The following ACR variants were observed in gnomAD, a reference collection of about 807,000 sequenced individuals.
The protein encoded by ACR is acrosin light and heavy chain prepropeptide.
Under a neutral mutation model 26.0 loss-of-function variants are expected in ACR, and 17 were observed. The observed-to-expected ratio is 0.65, with a 90% CI of 0.45 to 0.98. ACR has a LOEUF of 0.98. Ranked by LOEUF, ACR falls within the 50% of genes least tolerant of loss-of-function variation. The pLI, the probability that ACR is intolerant of heterozygous loss-of-function variation, is 0.00. For synonymous variants in ACR, 199 were observed against 207.7 expected (o/e 0.96, Z 0.36); for missense variants, 435 against 519.3 (o/e 0.84, Z 1.58).
rs1229833773 is a variant in ACR, at chr22:50,739,855, T to C, written c.443T>C (p.Ile148Thr). The stretch of plus-strand genomic sequence containing the variant: ...GGAAATGACATTGCCCTCGTGGAGA[T>C]CACCCCTCCCATTTCGTGTGGGCGC... ...TEGNDIALVEITPPISCGRFI... is the reference protein window; with the variant it reads ...TEGNDIALVETTPPISCGRFI... Residue 148 changes from isoleucine to threonine, a missense_variant, in exon 3 of 5, where the codon ATC (isoleucine) becomes ACC (threonine). Around this residue, in one of 3 missense-constraint regions of ACR, gnomAD observed 314 missense variants for 372.0 expected, o/e 0.84. Coordinates refer to ENST00000216139, the MANE Select transcript of ACR (RefSeq NM_001097.3). The surrounding 1 kb of genome is among the most constrained non-coding windows in gnomAD (Gnocchi z 5.5). The C allele has an allele frequency of 1.2e-6, 2 of 1,611,914 alleles. No individual in the cohort carries two copies. Among genetic ancestry groups the C allele is most frequent in the Non-Finnish European group, 8.5e-7 (1 of 1,178,794 alleles).
At position 50,741,183 on chromosome 22, in the gene ACR, T is replaced by G. The variant is rs564641516; in HGVS notation, c.565+1206T>G. 1.2e-3 allele frequency among the ~76,000 whole-genome samples: 187 copies of G among 152,334 alleles called. 1 individual carries two copies. Among genetic ancestry groups the G allele is most frequent in the African/African-American group, 4.4e-3 (181 of 41,568 alleles). ...CAAAAAGTCAATAATTTGAGGATTC[T>G]TCCTTTAACTCTTATTTCCTTCTCT... is the stretch of plus-strand genomic sequence containing the variant. On this transcript the variant is annotated intron_variant, in intron 3 of 4. Transcript: ENST00000216139.
intron 4 of ACR, 169 bp from the exon 5 acceptor site, chr22:50,744,484 A>G: frequency 9.4e-7 from 1 of 1,066,248 alleles, no homozygotes; most frequent in Non-Finnish European, 1.3e-6. Flanking sequence ...CCCTCCTCAC[A>G]TCCCAAATGA....
In ACR at chr22:50,739,822, C is replaced by A. The variant is rs752153585; in HGVS notation, c.410C>A (p.Ala137Glu). The A allele has an allele frequency of 3.1e-6, 5 of 1,610,840 alleles. No individual in the cohort carries two copies. The highest frequency in any genetic ancestry group is 4.2e-6 in the Non-Finnish European group (5 of 1,178,362). ...ATCATTCATGAAAAATACAACTCTG[C>A]GACAGAGGGAAATGACATTGCCCTC... The part of the protein sequence containing the change: ...KIIIHEKYNS[A>E]TEGNDIALVE... Residue 137 changes from alanine (A) to glutamate (E), a missense_variant, in exon 3 of 5, where the codon GCG (alanine) becomes GAG (glutamate). Transcript: ENST00000216139. The surrounding 1 kb of genome is among the most constrained non-coding windows in gnomAD (Gnocchi z 5.5).
In ACR at chr22:50,739,593, C is replaced by T. The variant is rs537267372; in HGVS notation, c.282-101C>T. ...TCTGGGCCAAGTGGCTGCAAGACTC[C>T]GGGGGCTGGTCCAGACCTTTGCTAG... On this transcript the variant is annotated intron_variant, in intron 2 of 4. Transcript: ENST00000216139. This position sits in a 1 kb window ranked among gnomAD's most constrained non-coding sequence, Gnocchi z 5.5. The T allele has an allele frequency of 7.6e-5, 118 of 1,558,566 alleles. No homozygotes were observed. Among genetic ancestry groups the T allele is most frequent in the African/African-American group, 2.4e-4 (18 of 74,166 alleles).
At chr22:50,743,899 C>T (rs1205523538) in intron 3 of ACR, among the ~76,000 whole-genome samples, 162 bp from the exon 4 acceptor site, 9 of 152,144 alleles carry the variant, frequency 5.9e-5, no homozygotes, top group Admixed American at 1.3e-4. Flanking sequence ...CCCACCACCT[C>T]TAGTCTGCTC....
At chr22:50,743,940 C>T (rs1188085409) in intron 3 of ACR, 121 bp from the exon 4 acceptor site, 12 of 803,762 alleles carry the variant, frequency 1.5e-5, no homozygotes, top group East Asian at 4.9e-5. Flanking sequence ...GTCGGGGCAT[C>T]GACTGGATGG....
chr22:50,745,315 G>C lies in ACR; in HGVS notation c.*108G>C. 2 of 1,227,716 alleles carry C rather than the reference G, an allele frequency of 1.6e-6. No individual in the cohort carries two copies. The highest frequency in any genetic ancestry group is 1.7e-5 in the South Asian group (1 of 60,250). The allele number at this position is 1,227,716 out of a possible 1,614,324, so 76.1% of individuals were successfully genotyped here. A position where few individuals can be genotyped will look rare whatever the true frequency, so the allele number is the denominator to read the frequency against. On this transcript the variant is annotated 3_prime_UTR_variant, in exon 5 of 5. Transcript: ENST00000216139. ...TATAGATATACACACACACATATCT[G>C]TATGTATACATGCATATACATCAAG...
At chr22:50,742,293 C>T (rs1419364945) in intron 3 of ACR, among the ~76,000 whole-genome samples, 1 of 152,092 alleles carries the variant, frequency 6.6e-6, no homozygotes, top group Non-Finnish European at 1.5e-5. Flanking sequence ...TCCTGTAATC[C>T]CAGCACTTTG....
Position 50,739,762 on chromosome 22 carries a change from A to G in ACR, c.350A>G (p.Lys117Arg). 6.3e-7 allele frequency: 1 copy of G among 1,581,554 alleles called. No individual in the cohort carries two copies. The highest frequency in any genetic ancestry group is 8.6e-7 in the Non-Finnish European group (1 of 1,166,834). Residue 117 changes from lysine to arginine, a missense_variant, in exon 3 of 5, where the codon AAG (lysine) becomes AGG (arginine). Coordinates refer to ENST00000216139, the MANE Select transcript of ACR (RefSeq NM_001097.3). The surrounding 1 kb of genome is among the most constrained non-coding windows in gnomAD (Gnocchi z 5.5). ...ACATATGGGAACAATAAACCAGTAAAGGCGCCTCTGCAAGAGAGATATGTG... is the reference window on the plus strand; with the variant it reads ...ACATATGGGAACAATAAACCAGTAAGGGCGCCTCTGCAAGAGAGATATGTG... ...EITYGNNKPVKAPLQERYVEK... is the reference protein window; with the variant it reads ...EITYGNNKPVRAPLQERYVEK...
rs559202131 is a variant in ACR, at chr22:50,740,351, C to A, written c.565+374C>A. On this transcript the variant is annotated intron_variant, in intron 3 of 4. Transcript: ENST00000216139. The stretch of plus-strand genomic sequence containing the variant: ...TTATGTGGCCGTATGACAGTGCCTT[C>A]CACTCTCTGGGCCTTGGTTTCCTCA... 5.7e-5 allele frequency: 33 copies of A among 578,640 alleles called. No homozygotes were observed. In the Admixed American group the frequency reaches 9.9e-4, roughly 17 times the overall value. The allele number at this position is 578,640 out of a possible 1,614,324, so 35.8% of individuals were successfully genotyped here. A position where few individuals can be genotyped will look rare whatever the true frequency, so the allele number is the denominator to read the frequency against.
intron 3 of ACR, among the ~76,000 whole-genome samples, chr22:50,742,017 TC>T (rs1164731742): frequency 6.6e-6 from 1 of 152,062 alleles, no homozygotes; most frequent in African/African-American, 2.4e-5. Flanking sequence ...ATGCCTGTTG[TC>T]CCAGCTACTC....
Position 50,744,855 on chromosome 22 carries a change from C to T in ACR, c.914C>T (p.Pro305Leu), listed in dbSNP as rs1320079223. 5.6e-6 allele frequency: 9 copies of T among 1,602,420 alleles called. No individual in the cohort carries two copies. The highest frequency in any genetic ancestry group is 1.7e-5 in the Admixed American group (1 of 59,168). Residue 305 changes from proline to leucine, a missense_variant, in exon 5 of 5, where the codon CCC becomes CTC. Transcript: ENST00000216139. ...RMIQSATPPP[P>L]TTRPPPIRPP... Reference sequence around the variant, plus strand: ...ATTCAATCGGCCACCCCTCCACCTCCCACCACTCGACCGCCCCCGATTCGA... The same window carrying T: ...ATTCAATCGGCCACCCCTCCACCTCTCACCACTCGACCGCCCCCGATTCGA...
Position 50,739,721 on chromosome 22 carries a change from C to T in ACR, c.309C>T (p.Phe103=), listed in dbSNP as rs1159905378. 25 of 1,542,224 alleles carry T rather than the reference C, an allele frequency of 1.6e-5. No individual in the cohort carries two copies. The highest frequency in any genetic ancestry group is 7.7e-5 in the South Asian group (6 of 78,264). Reference sequence around the variant, plus strand: ...ATGTGCATGACTGGAGACTGGTTTTCGGAGCAAAGGAAATTACATATGGGA... The same window carrying T: ...ATGTGCATGACTGGAGACTGGTTTTTGGAGCAAAGGAAATTACATATGGGA... ...KNNVHDWRLV[F]GAKEITYGNN... Residue 103 remains phenylalanine, a synonymous_variant, in exon 3 of 5, where the codon TTC becomes TTT. Coordinates refer to ENST00000216139, the MANE Select transcript of ACR (RefSeq NM_001097.3). The surrounding 1 kb of genome is among the most constrained non-coding windows in gnomAD (Gnocchi z 5.5).
intron 3 of ACR, 183 bp downstream of exon 3, chr22:50,740,160 G>A (rs750829387): frequency 1.5e-5 from 12 of 781,524 alleles, no homozygotes; most frequent in Admixed American, 1.0e-4. Context: ...TGGGTGACTC[G>A]TCTGGCTGTC....
chr22:50,740,220 T>C, intron 3 of ACR: 1 of 630,154 alleles, frequency 1.6e-6, no homozygotes, highest in Non-Finnish European at 2.9e-6. Flanking sequence ...TTGCTTAGAA[T>C]GGGGTTGAGG....
At chr22:50,743,172 A>G (rs9616954) in intron 3 of ACR, among the ~76,000 whole-genome samples, 8,742 of 149,966 alleles carry the variant, frequency 0.058, 276 homozygotes, top group Non-Finnish European at 0.07. Context: ...AGTAGCTGGG[A>G]CTACAGGCGC....
At chr22:50,743,105 G>A (rs531602050) in intron 3 of ACR, among the ~76,000 whole-genome samples, 9 of 151,494 alleles carry the variant, frequency 5.9e-5, no homozygotes, top group African/African-American at 1.2e-4. Context: ...GCGCCATCTC[G>A]GCTCACTGCA....
Position 50,745,101 on chromosome 22 carries a change from G to C in ACR, c.1160G>C (p.Arg387Pro). Reference sequence around the variant, plus strand: ...CCCCAAGGACTTTCTTTTGCCAAGCGCCTACAGCAGCTCATAGAGGTCTTG... The same window carrying C: ...CCCCAAGGACTTTCTTTTGCCAAGCCCCTACAGCAGCTCATAGAGGTCTTG... ...KLPQGLSFAK[R>P]LQQLIEVLKG... Residue 387 changes from arginine (R) to proline (P), a missense_variant, in exon 5 of 5, where the codon CGC becomes CCC. Arg to Pro is a moderately radical substitution (Grantham distance 103). Coordinates refer to ENST00000216139, the MANE Select transcript of ACR (RefSeq NM_001097.3). 1.4e-6 allele frequency: 1 copy of C among 727,968 alleles called. No individual in the cohort carries two copies. Among genetic ancestry groups the C allele is most frequent in the Non-Finnish European group, 2.1e-6 (1 of 478,958 alleles). The allele number at this position is 727,968 out of a possible 1,614,324, so 45.1% of individuals were successfully genotyped here.
chr22:50,742,202 C>T (rs2146854922), intron 3 of ACR, among the ~76,000 whole-genome samples: 1 of 152,236 alleles, frequency 6.6e-6, no homozygotes, highest in African/African-American at 2.4e-5. Context: ...CCTGGCTCTT[C>T]ACAATAAAAC....
Sources: gnomAD v4.1 joint callset for allele counts (sites outside exome capture counted in the v4.1 genomes callset) on GRCh38, gnomAD v4.1.1 for gene constraint, gnomAD v4.1.1 regional missense constraint, Gnocchi (gnomAD v3.1) non-coding constraint, MANE v1.5 for transcripts, NCBI Gene and HGNC (gene_info 2026-07-23, HGNC 2026-07-21) for gene names.